The following FAM135B variants were observed in gnomAD, a reference collection of about 807,000 sequenced individuals.
The protein encoded by FAM135B is family with sequence similarity 135 member B, also known as protein FAM135B.
FAM135B carries 43 observed loss-of-function variants against 127.7 expected under a neutral mutation model. That is an observed-to-expected ratio of 0.34 (90% confidence interval 0.26 to 0.43). FAM135B has a LOEUF of 0.43. Among genes scored for constraint, FAM135B ranks in the 20% least tolerant of loss-of-function variants. The pLI, the probability that FAM135B is intolerant of heterozygous loss-of-function variation, is 1.00. For synonymous variants in FAM135B, 670 were observed against 665.1 expected, an observed-to-expected ratio of 1.01 and a Z score of -0.11; for missense variants, 1,558 against 1,725.6, an observed-to-expected ratio of 0.90 and a Z score of 1.72.
chr8:138,358,484 T>C (rs898228004), intron 2 of FAM135B: 1 of 152,150 alleles, frequency 6.6e-6, no homozygotes, highest in Admixed American at 6.5e-5. Flanking sequence ...TGGGTCCTCT[T>C]GGCTTGTACT....
chr8:138,254,710 T>C (rs536585870), intron 5 of FAM135B, among the ~76,000 whole-genome samples: 3 of 152,142 alleles, frequency 2.0e-5, no homozygotes, highest in African/African-American at 7.2e-5. Flanking sequence ...GCAGATGTAA[T>C]GAGAAAAGCA....
At chr8:138,238,339 G>C (rs544732381) in intron 7 of FAM135B, among the ~76,000 whole-genome samples, 1 of 152,288 alleles carries the variant, frequency 6.6e-6, no homozygotes, top group Middle Eastern at 3.4e-3. Context: ...CCAGGCATTA[G>C]TATATCCTTT....
chr8:138,204,601 C>A (rs1031182141), intron 7 of FAM135B, among the ~76,000 whole-genome samples: 3 of 152,176 alleles, frequency 2.0e-5, no homozygotes, highest in Non-Finnish European at 2.9e-5. Context: ...CAGGGTCCAG[C>A]TTACCCTCAC....
chr8:138,175,506 G>A (rs1200334617), intron 11 of FAM135B, among the ~76,000 whole-genome samples: 2 of 152,190 alleles, frequency 1.3e-5, no homozygotes, highest in African/African-American at 4.8e-5. Flanking sequence ...CTTCTACTCA[G>A]TGTTGCCTTG....
intron 3 of FAM135B, among the ~76,000 whole-genome samples, chr8:138,308,568 C>T (rs1826432893): frequency 6.6e-6 from 1 of 152,190 alleles, no homozygotes; most frequent in Non-Finnish European, 1.5e-5. Context: ...TACTGTAAAG[C>T]TCAAGGCATA....
chr8:138,250,207 G>A (rs1288504413), intron 6 of FAM135B, among the ~76,000 whole-genome samples: 1 of 152,146 alleles, frequency 6.6e-6, no homozygotes, highest in African/African-American at 2.4e-5. Flanking sequence ...ACAAAAATTA[G>A]CTGGGCGTGG....
At chr8:138,313,225 G>A (rs1410631124) in intron 2 of FAM135B, among the ~76,000 whole-genome samples, 3 of 152,036 alleles carry the variant, frequency 2.0e-5, no homozygotes, top group African/African-American at 4.8e-5. Flanking sequence ...TCCGTCTCCC[G>A]GGTTCAAGTG....
intron 1 of FAM135B, among the ~76,000 whole-genome samples, chr8:138,444,624 C>T (rs1836000367): frequency 6.6e-6 from 1 of 152,042 alleles, no homozygotes; most frequent in Non-Finnish European, 1.5e-5. Context: ...ACACAACATA[C>T]CAGAATCTCT....
intron 2 of FAM135B, among the ~76,000 whole-genome samples, chr8:138,366,301 G>T (rs1402042548): frequency 2.0e-5 from 3 of 152,128 alleles, no homozygotes; most frequent in Non-Finnish European, 4.4e-5. Flanking sequence ...TATCAAAATC[G>T]CTTGCTTTTC....
At chr8:138,356,295 A>C (rs1830086853) in intron 2 of FAM135B, among the ~76,000 whole-genome samples, 3 of 152,136 alleles carry the variant, frequency 2.0e-5, no homozygotes, top group Admixed American at 2.0e-4. Flanking sequence ...AGAGAGAGCC[A>C]GCGAGTGAGA....
chr8:138,386,800 T>C (rs1832246058), intron 1 of FAM135B, among the ~76,000 whole-genome samples: 2 of 152,240 alleles, frequency 1.3e-5, no homozygotes, highest in Middle Eastern at 3.4e-3. Flanking sequence ...CGTGAGCAAA[T>C]GTTAATATTA....
chr8:138,439,147 G>A (rs924001380), intron 1 of FAM135B: 14 of 152,144 alleles, frequency 9.2e-5, no homozygotes, highest in Admixed American at 8.5e-4. Context: ...ACCAGGAGCT[G>A]TACAAGGCAA....
intron 3 of FAM135B, among the ~76,000 whole-genome samples, chr8:138,306,872 C>T (rs1255571954): frequency 6.6e-6 from 1 of 152,176 alleles, no homozygotes; most frequent in Non-Finnish European, 1.5e-5. Context: ...GTGTGAGCCA[C>T]CTCACCTGGC....
rs1348759259 is a variant in FAM135B at position 138,243,105 on chromosome 8, T to A, written c.543-37A>T. 1.3e-6 allele frequency: 2 copies of A among 1,585,178 alleles called. No homozygotes were observed. Among genetic ancestry groups the A allele is most frequent in the Non-Finnish European group, 1.7e-6 (2 of 1,166,986 alleles). On this transcript the variant is annotated intron_variant, in intron 6 of 19. Transcript: ENST00000395297. This position sits in a 1 kb window ranked among gnomAD's most constrained non-coding sequence, Gnocchi z 7.5. Reference sequence around the variant, plus strand: ...ATAATTGAAAGGGTGAAAAAGGAGGTAAAGAAAGTGATGGTGCCATTAACT... The same window carrying A: ...ATAATTGAAAGGGTGAAAAAGGAGGAAAAGAAAGTGATGGTGCCATTAACT...
intron 1 of FAM135B, among the ~76,000 whole-genome samples, chr8:138,405,655 A>G (rs1833435880): frequency 6.6e-6 from 1 of 152,132 alleles, no homozygotes; most frequent in African/African-American, 2.4e-5. Flanking sequence ...GCTATTGTGA[A>G]TAGTGCCACA....
chr8:138,423,579 T>G (rs1834656958), intron 1 of FAM135B, among the ~76,000 whole-genome samples: 1 of 152,090 alleles, frequency 6.6e-6, no homozygotes, highest in Admixed American at 6.5e-5. Context: ...ACAGAGATCA[T>G]CAGCTTCACA....
intron 3 of FAM135B, among the ~76,000 whole-genome samples, chr8:138,277,409 C>T (rs768297528): frequency 6.0e-4 from 91 of 152,302 alleles, no homozygotes; most frequent in Non-Finnish European, 1.1e-3. Context: ...GAGTCCCAGG[C>T]CAATGGGTGA....
intron 1 of FAM135B, among the ~76,000 whole-genome samples, chr8:138,449,525 T>C (rs1036799317): frequency 9.2e-5 from 14 of 152,000 alleles, no homozygotes; most frequent in Non-Finnish European, 1.0e-4. Flanking sequence ...GTCATCTAAG[T>C]GGAAACTTGG....
chr8:138,472,630 G>A (rs968609478), intron 1 of FAM135B, among the ~76,000 whole-genome samples: 1 of 152,108 alleles, frequency 6.6e-6, no homozygotes, highest in Admixed American at 6.6e-5. Flanking sequence ...AAAAGTGGAA[G>A]ATAAAGAGTA....
Sources: allele counts gnomAD v4.1 joint callset (sites outside exome capture counted in the v4.1 genomes callset), GRCh38; gene constraint gnomAD v4.1.1; non-coding constraint Gnocchi (gnomAD v3.1); transcripts MANE v1.5; gene names NCBI Gene and HGNC (gene_info 2026-07-23, HGNC 2026-07-21).